The following PAH variants were observed in gnomAD, a reference collection of about 807,000 sequenced individuals.
The protein encoded by PAH is phenylalanine-4-hydroxylase.
A neutral mutation model predicts 62.0 loss-of-function variants in PAH; 64 were observed. The ratio of observed to expected loss-of-function variants is 1.03; its 90% CI spans 0.84 to 1.27. The LOEUF is 1.27. PAH is among the 50% of genes most tolerant of loss of function. PAH has a pLI of 0.00. For missense variants in PAH, 579 were observed against 542.8 expected (o/e 1.07, Z -0.66); for synonymous variants, 195 against 196.2 (o/e 0.99, Z 0.05).
At chr12:102,956,669 C>G (rs1879922564) in intron 1 of PAH, among the ~76,000 whole-genome samples, 1 of 152,140 alleles carries the variant, frequency 6.6e-6, no homozygotes. Context: ...TCCCAGAGCA[C>G]TCCCTTCTTT....
At position 102,934,993 on chromosome 12, in the gene PAH, T is replaced by C. The variant is rs192981141; in HGVS notation, c.-96+15596A>G. 4.6e-3 allele frequency among the ~76,000 whole-genome samples: 697 copies of C among 152,244 alleles called. 2 individuals are homozygous for C. Among genetic ancestry groups the C allele is most frequent in the African/African-American group, 0.016 (670 of 41,574 alleles). On this transcript the variant is annotated intron_variant, in intron 1 of 3. Transcript: ENST00000546844. ...TTTTCCAGACCTTTGAAGAAAGGCTTTCAGTCTTTCCCCATTCAGCATGAC... is the reference window on the plus strand; with the variant it reads ...TTTTCCAGACCTTTGAAGAAAGGCTCTCAGTCTTTCCCCATTCAGCATGAC...
At position 102,957,502 on chromosome 12, in the gene PAH, G is replaced by A. The variant is rs968042701; in HGVS notation, c.-96+693C>T. Among the ~76,000 whole-genome samples, 2 of 149,360 alleles carry A rather than the reference G, an allele frequency of 1.3e-5. No homozygotes were observed. Among genetic ancestry groups the A allele is most frequent in the Non-Finnish European group, 3.0e-5 (2 of 67,232 alleles). Reference sequence around the variant, plus strand: ...AGAAAGGAACGGGAGGGGGGGAGAGGAGAGGAGGAGGGGGAGTTTAGGGAG... The same window carrying A: ...AGAAAGGAACGGGAGGGGGGGAGAGAAGAGGAGGAGGGGGAGTTTAGGGAG... On this transcript the variant is annotated intron_variant, in intron 1 of 4. Coordinates refer to the PAH transcript ENST00000551337. This position sits in a 1 kb window ranked among gnomAD's most constrained non-coding sequence, Gnocchi z 4.1.
chr12:102,958,365 G>A (rs545982257), exon 1 of PAH: 7 of 1,439,164 alleles, frequency 4.9e-6, no homozygotes, highest in South Asian at 1.4e-5. Context: ...CGCGGCGGCC[G>A]CAGCCGCCGC....
chr12:102,901,600 AT>A (rs1325413902), intron 2 of PAH, among the ~76,000 whole-genome samples: 1,789 of 149,432 alleles, frequency 0.012, 21 homozygotes, highest in African/African-American at 0.041. Flanking sequence ...CTTTTTTTTA[AT>A]TTTTTTTTTG....
chr12:102,937,547 A>C (rs1488163690), intron 1 of PAH, among the ~76,000 whole-genome samples: 2 of 152,124 alleles, frequency 1.3e-5, no homozygotes, highest in Non-Finnish European at 2.9e-5. Flanking sequence ...ACTAATTTTA[A>C]AACTCTACAC....
At chr12:102,906,771 A>T (rs1263818362) in intron 2 of PAH, among the ~76,000 whole-genome samples, 1 of 152,200 alleles carries the variant, frequency 6.6e-6, no homozygotes, top group Non-Finnish European at 1.5e-5. Context: ...CAGATGAGGA[A>T]CTGAGGCACA....
chr12:102,850,205 T>C (rs1394648877), intron 8 of PAH, among the ~76,000 whole-genome samples: 3 of 152,256 alleles, frequency 2.0e-5, no homozygotes, highest in South Asian at 2.1e-4. Context: ...TCATTGGTGA[T>C]GCTTCTACAG....
chr12:102,874,801 C>T (rs551770772), intron 4 of PAH, among the ~76,000 whole-genome samples: 84 of 152,334 alleles, frequency 5.5e-4, no homozygotes, highest in African/African-American at 2.0e-3. Flanking sequence ...GGCCATTTTC[C>T]CTCTGTCTTG....
At chr12:102,923,795 C>T (rs1878615060) in intron 1 of PAH, among the ~76,000 whole-genome samples, 2 of 152,294 alleles carry the variant, frequency 1.3e-5, no homozygotes, top group South Asian at 4.1e-4. Context: ...CATGGTCTCA[C>T]AGTCCAGATA....
intron 3 of PAH, among the ~76,000 whole-genome samples, chr12:102,890,064 C>T (rs1877211477): frequency 6.6e-6 from 1 of 152,180 alleles, no homozygotes; most frequent in Non-Finnish European, 1.5e-5. Context: ...GTTTCTTTAC[C>T]ATGTCGCTGT....
At chr12:102,943,103 C>T (rs1879350596) in intron 1 of PAH, among the ~76,000 whole-genome samples, 1 of 151,928 alleles carries the variant, frequency 6.6e-6, no homozygotes, top group Non-Finnish European at 1.5e-5. Context: ...AGCTTCAGCA[C>T]AGCAAAATAA....
chr12:102,846,089 T>A (rs544367524), intron 9 of PAH, among the ~76,000 whole-genome samples: 1 of 152,320 alleles, frequency 6.6e-6, no homozygotes, highest in Non-Finnish European at 1.5e-5. Context: ...AAATTTTTAG[T>A]TGCCTTTGAG....
At chr12:102,897,736 G>T (rs1877574125) in intron 2 of PAH, among the ~76,000 whole-genome samples, 1 of 152,040 alleles carries the variant, frequency 6.6e-6, no homozygotes, top group Non-Finnish European at 1.5e-5. Context: ...AAATTCCTTG[G>T]ACTCCTCTGG....
chr12:102,897,492 T>TATAA (rs1379613102), intron 2 of PAH, among the ~76,000 whole-genome samples: 54 of 137,466 alleles, frequency 3.9e-4, no homozygotes, highest in African/African-American at 1.6e-3. Context: ...TATATATATA[T>TATAA]AATTCAAACT....
In PAH at chr12:102,885,686, C is replaced by CG. The variant is rs1472928012; in HGVS notation, c.353-8137_353-8136insC. 3.3e-5 allele frequency among the ~76,000 whole-genome samples: 5 copies of CG among 152,274 alleles called. No individual in the cohort carries two copies. The South Asian group carries it at 6.2e-4, about 19-fold the overall frequency. Reference sequence around the variant, plus strand: ...GAGCACCACTGAGCAAAAGACCCCCCAGGCCTGGCCAGAGCCTGCTTCCTG... The same window carrying CG: ...GAGCACCACTGAGCAAAAGACCCCCCGAGGCCTGGCCAGAGCCTGCTTCCTG... On this transcript the variant is annotated intron_variant, in intron 3 of 12. Coordinates refer to ENST00000553106, the MANE Select transcript of PAH (RefSeq NM_000277.3).
chr12:102,842,788 TCA>T (rs1318875687), intron 11 of PAH, among the ~76,000 whole-genome samples: 1 of 152,156 alleles, frequency 6.6e-6, no homozygotes, highest in African/African-American at 2.4e-5. Flanking sequence ...CTCTGACCTC[TCA>T]GAGGCCATAG....
chr12:102,927,223 C>T (rs1878708852), intron 1 of PAH, among the ~76,000 whole-genome samples: 1 of 151,160 alleles, frequency 6.6e-6, no homozygotes, highest in Non-Finnish European at 1.5e-5. Flanking sequence ...AAATGGAAGG[C>T]TTAGGAGTAA....
chr12:102,861,049 C>G (rs1875691899), intron 5 of PAH, among the ~76,000 whole-genome samples: 2 of 152,144 alleles, frequency 1.3e-5, no homozygotes, highest in South Asian at 4.1e-4. Flanking sequence ...GAACAGGCAA[C>G]TGACAGAATG....
chr12:102,877,347 A>T (rs914008483), intron 4 of PAH, 115 bp downstream of exon 4: 2 of 834,568 alleles, frequency 2.4e-6, no homozygotes, highest in African/African-American at 3.3e-5. Context: ...GAACACAATA[A>T]GTGTTTGTTG....
Sources: allele counts gnomAD v4.1 joint callset (sites outside exome capture counted in the v4.1 genomes callset), GRCh38; gene constraint gnomAD v4.1.1; non-coding constraint Gnocchi (gnomAD v3.1); transcripts MANE v1.5; gene names NCBI Gene and HGNC (gene_info 2026-07-23, HGNC 2026-07-21).